The following INO80 variants were observed in gnomAD, a reference collection of about 807,000 sequenced individuals.
INO80 encodes INO80 complex ATPase subunit.
INO80 carries 20 observed loss-of-function variants against 203.4 expected under a neutral mutation model. The observed-to-expected ratio is 0.10, with a 90% CI of 0.07 to 0.14. INO80 has a LOEUF of 0.14. Among genes scored for constraint, INO80 ranks in the 10% least tolerant of loss-of-function variants. The pLI is 1.00. For missense variants in INO80, 1,419 were observed against 1,914.4 expected (o/e 0.74, Z 4.83); for synonymous variants, 726 against 685.2 (o/e 1.06, Z -0.93).
intron 35 of INO80, among the ~76,000 whole-genome samples, chr15:40,982,579 A>G (rs908495327): frequency 6.6e-6 from 1 of 152,262 alleles, no homozygotes; most frequent in Non-Finnish European, 1.5e-5. Flanking sequence ...CCTAGGAAGA[A>G]AACAAATCCC....
chr15:41,002,818 G>A (rs954870358), intron 28 of INO80, among the ~76,000 whole-genome samples: 12 of 152,070 alleles, frequency 7.9e-5, no homozygotes, highest in South Asian at 4.1e-4. Flanking sequence ...AAATGTTGTC[G>A]GCAAGGCTGG....
chr15:41,037,771 C>T (rs1234467514), intron 24 of INO80, among the ~76,000 whole-genome samples: 2 of 151,802 alleles, frequency 1.3e-5, no homozygotes, highest in African/African-American at 2.4e-5. Context: ...GGCGAAACCC[C>T]ACCTCTACTA....
At chr15:41,112,876 C>T (rs974711358) in intron 1 of INO80, among the ~76,000 whole-genome samples, 1 of 149,364 alleles carries the variant, frequency 6.7e-6, no homozygotes, top group Non-Finnish European at 1.5e-5. Context: ...TTTGTCCACT[C>T]TAAAATCCAC....
chr15:41,026,996 A>G (rs928529639), intron 25 of INO80, among the ~76,000 whole-genome samples: 5 of 152,250 alleles, frequency 3.3e-5, no homozygotes, highest in Non-Finnish European at 7.3e-5. Context: ...ACTAAGCCCA[A>G]TCTGCAAACA....
intron 23 of INO80, among the ~76,000 whole-genome samples, chr15:41,045,314 C>T (rs977576089): frequency 3.3e-5 from 5 of 152,084 alleles, no homozygotes; most frequent in Non-Finnish European, 4.4e-5. Flanking sequence ...ATTTGCCAGG[C>T]GCAGTGGCTC....
intron 29 of INO80, 80 bp downstream of exon 29, chr15:40,997,449 T>G: frequency 1.1e-6 from 1 of 915,674 alleles, no homozygotes; most frequent in Non-Finnish European, 1.8e-6. Context: ...AAACAAACAA[T>G]GCCATATTAG....
intron 11 of INO80, among the ~76,000 whole-genome samples, chr15:41,072,578 G>A (rs2045339442): frequency 6.7e-6 from 1 of 148,840 alleles, no homozygotes; most frequent in Non-Finnish European, 1.5e-5. Flanking sequence ...AATTAGCTGG[G>A]TGTGGTGGTG....
At chr15:41,075,241 TA>T (rs1271063367) in intron 9 of INO80, among the ~76,000 whole-genome samples, 1 of 152,250 alleles carries the variant, frequency 6.6e-6, no homozygotes, top group East Asian at 1.9e-4. Flanking sequence ...GTAGCTTTAT[TA>T]TTTTTGAAAA....
At chr15:41,005,200 C>CA (rs66849866) in intron 28 of INO80, 45,242 of 81,368 alleles carry the variant, frequency 0.56, 11,400 homozygotes, top group Non-Finnish European at 0.62. Context: ...CTCACACACA[C>CA]AAAAAAAAAA....
At chr15:41,013,608 A>G (rs892598384) in intron 27 of INO80, among the ~76,000 whole-genome samples, 3 of 152,196 alleles carry the variant, frequency 2.0e-5, no homozygotes. Context: ...ATTAAATTCT[A>G]TTTCAGTACT....
chr15:41,098,283 G>C (rs997416473), intron 1 of INO80, among the ~76,000 whole-genome samples: 2 of 152,024 alleles, frequency 1.3e-5, no homozygotes, highest in African/African-American at 4.8e-5. Context: ...CTTCATGACT[G>C]ACCATAAAAA....
At chr15:41,113,679 A>G (rs1281674710) in intron 1 of INO80, among the ~76,000 whole-genome samples, 2 of 152,148 alleles carry the variant, frequency 1.3e-5, no homozygotes, top group African/African-American at 4.8e-5. Flanking sequence ...TGGCACAATC[A>G]TAGCTCACTA....
chr15:41,070,477 T>C lies in INO80; in HGVS notation c.1676A>G (p.His559Arg). The change falls in exon 13 of 36, where the codon CAT (histidine) becomes CGT (arginine). Residue 559 changes from histidine (H) to arginine (R), a missense_variant. Transcript: ENST00000648947. ...KTVQSIALLA[H>R]LAERENIWGP... ...ATTGCATCTACCCACCTCAGCCAGA[T>C]GGGCCAGAAGGGCAATGCTCTGTAC... 6.2e-7 allele frequency: 1 copy of C among 1,613,972 alleles called. No homozygotes were observed. The highest frequency in any genetic ancestry group is 8.5e-7 in the Non-Finnish European group (1 of 1,179,834).
chr15:41,051,389 C>T (rs1412017802), intron 19 of INO80, among the ~76,000 whole-genome samples: 2 of 151,722 alleles, frequency 1.3e-5, no homozygotes, highest in Non-Finnish European at 2.9e-5. Context: ...AATGCCTTCT[C>T]TAACTTTCCC....
intron 24 of INO80, among the ~76,000 whole-genome samples, chr15:41,031,963 G>GCACAGCACAGCACAGCACAGC (rs2044484748): frequency 1.6e-4 from 8 of 49,220 alleles, no homozygotes; most frequent in East Asian, 8.9e-4. Flanking sequence ...CACAGCACAG[G>GCACAGCACAGCACAGCACAGC]ACAGCACAGC....
intron 24 of INO80, among the ~76,000 whole-genome samples, chr15:41,032,969 C>T (rs537755775): frequency 6.6e-5 from 10 of 152,144 alleles, no homozygotes; most frequent in Non-Finnish European, 1.2e-4. Context: ...ACCCGGGAGG[C>T]GGAGGTTGCA....
intron 9 of INO80, among the ~76,000 whole-genome samples, chr15:41,077,214 CTTTA>C (rs1313532602): frequency 1.8e-5 from 2 of 109,524 alleles, no homozygotes; most frequent in African/African-American, 6.4e-5. Context: ...GCCTTGTTTG[CTTTA>C]TTTTTTTTTT....
At position 40,982,869 on chromosome 15, in the gene INO80, C is replaced by G. The variant is rs2140406063; in HGVS notation, c.4446G>C (p.Val1482=). ...CACCCTGGGCTTCTGTACCTTTAGA[C>G]ACGTTGTACCCGTATGCGGCATAGG... The part of the protein sequence containing the change: ...AAAYAAYGYN[V]SKGISASSPL... Residue 1482 remains valine, a synonymous_variant, in exon 35 of 36, where the codon GTG becomes GTC. Coordinates refer to ENST00000648947, the MANE Select transcript of INO80 (RefSeq NM_017553.3). The G allele has an allele frequency of 6.2e-7, 1 of 1,612,362 alleles. No individual in the cohort carries two copies. Among genetic ancestry groups the G allele is most frequent in the Non-Finnish European group, 8.5e-7 (1 of 1,179,512 alleles).
At chr15:41,097,710 G>C (rs1186028466) in intron 1 of INO80, among the ~76,000 whole-genome samples, 3 of 152,052 alleles carry the variant, frequency 2.0e-5, no homozygotes, top group Non-Finnish European at 4.4e-5. Flanking sequence ...CTGACCTCAG[G>C]TGATCCACCA....
Sources: allele counts gnomAD v4.1 joint callset (sites outside exome capture counted in the v4.1 genomes callset), GRCh38; gene constraint gnomAD v4.1.1; transcripts MANE v1.5; gene names NCBI Gene and HGNC (gene_info 2026-07-23, HGNC 2026-07-21).